Variants in PRKCA observed in about 807,000 individuals in gnomAD.
PRKCA encodes protein kinase C alpha type.
PRKCA carries 27 observed loss-of-function variants against 87.0 expected under a neutral mutation model. That is an observed-to-expected ratio of 0.31 (90% CI 0.23 to 0.43). The LOEUF is 0.43. Among genes scored for constraint, PRKCA ranks in the 20% least tolerant of loss-of-function variants. The pLI is 1.00. For missense variants in PRKCA, 518 were observed against 852.3 expected (o/e 0.61, Z 4.88); for synonymous variants, 329 against 311.1 (o/e 1.06, Z -0.61).
intron 10 of PRKCA, among the ~76,000 whole-genome samples, chr17:66,736,133 T>C (rs1974020471): frequency 3.3e-5 from 5 of 151,698 alleles, no homozygotes; most frequent in Admixed American, 2.0e-4. Context: ...CCCCCTACGT[T>C]GGCCTCCTAA....
chr17:66,671,493 G>C (rs116221461), intron 5 of PRKCA, among the ~76,000 whole-genome samples: 55 of 152,234 alleles, frequency 3.6e-4, no homozygotes, highest in Non-Finnish European at 6.5e-4. Flanking sequence ...CCAAGGTGCT[G>C]AGTACCTTAT....
intron 3 of PRKCA, chr17:66,641,071 T>G: frequency 3.0e-6 from 1 of 335,336 alleles, no homozygotes; most frequent in South Asian, 3.3e-5. Flanking sequence ...GGCAGGACAA[T>G]CGTTTGAACC....
chr17:66,542,042 C>T (rs1035429307), intron 3 of PRKCA, among the ~76,000 whole-genome samples: 1 of 152,124 alleles, frequency 6.6e-6, no homozygotes. Context: ...GCTCGTGTTG[C>T]GGTTATTATG....
chr17:66,424,904 C>T (rs759521643), intron 2 of PRKCA, among the ~76,000 whole-genome samples: 3 of 151,994 alleles, frequency 2.0e-5, no homozygotes, highest in Admixed American at 6.6e-5. Flanking sequence ...CCTGCACCAC[C>T]GTGCCTGGCT....
intron 2 of PRKCA, among the ~76,000 whole-genome samples, chr17:66,384,156 C>T (rs7225452): frequency 0.57 from 87,212 of 151,844 alleles, 25,636 homozygotes; most frequent in Non-Finnish European, 0.65. Flanking sequence ...TAAATATGAA[C>T]GAACAAACTT....
chr17:66,675,793 G>A (rs552350240), intron 5 of PRKCA, among the ~76,000 whole-genome samples: 12 of 152,206 alleles, frequency 7.9e-5, no homozygotes, highest in East Asian at 5.8e-4. Flanking sequence ...CTCCTGAAAC[G>A]GCCTTCTCTG....
chr17:66,506,584 A>G (rs1916990846), intron 3 of PRKCA, among the ~76,000 whole-genome samples: 1 of 152,146 alleles, frequency 6.6e-6, no homozygotes, highest in Non-Finnish European at 1.5e-5. Context: ...TTACTTGAAT[A>G]TTTACAGCTG....
chr17:66,499,847 C>T (rs1916650403), intron 3 of PRKCA, among the ~76,000 whole-genome samples: 1 of 152,142 alleles, frequency 6.6e-6, no homozygotes, highest in African/African-American at 2.4e-5. Flanking sequence ...CACAAAAGAT[C>T]ATGCATTCAC....
chr17:66,574,383 T>C (rs1212352384), intron 3 of PRKCA, among the ~76,000 whole-genome samples: 1 of 152,182 alleles, frequency 6.6e-6, no homozygotes, highest in Non-Finnish European at 1.5e-5. Flanking sequence ...AGTCAGTCTC[T>C]ATATTTTTAA....
At chr17:66,641,499 G>C (rs372116313) in intron 4 of PRKCA, 33 bp downstream of exon 4, 1 of 1,519,344 alleles carries the variant, frequency 6.6e-7, no homozygotes, top group Non-Finnish European at 9.1e-7. Context: ...TTCATAGCGA[G>C]GCTCTGTAGC....
chr17:66,393,641 C>CGTGTGT (rs111480827), intron 2 of PRKCA, among the ~76,000 whole-genome samples: 77 of 148,178 alleles, frequency 5.2e-4, no homozygotes, highest in African/African-American at 1.1e-3. Flanking sequence ...TGTGTGTGCA[C>CGTGTGT]GTGTGTGTGT....
intron 3 of PRKCA, among the ~76,000 whole-genome samples, chr17:66,551,215 G>C (rs1968316031): frequency 6.6e-6 from 1 of 152,116 alleles, no homozygotes; most frequent in Non-Finnish European, 1.5e-5. Context: ...GGCATGCACT[G>C]CCACACCTGG....
intron 3 of PRKCA, among the ~76,000 whole-genome samples, chr17:66,539,766 T>C (rs1210270314): frequency 2.0e-5 from 3 of 152,184 alleles, no homozygotes; most frequent in Admixed American, 1.3e-4. Flanking sequence ...GAAAACCTCA[T>C]CGTACCCAGA....
intron 2 of PRKCA, among the ~76,000 whole-genome samples, chr17:66,342,317 G>A (rs1907083026): frequency 6.6e-6 from 1 of 151,994 alleles, no homozygotes; most frequent in Non-Finnish European, 1.5e-5. Context: ...AGCTACTCAG[G>A]AGGCTGAGGC....
chr17:66,545,494 G>A (rs1968122389), intron 3 of PRKCA, among the ~76,000 whole-genome samples: 1 of 152,268 alleles, frequency 6.6e-6, no homozygotes, highest in East Asian at 1.9e-4. Context: ...TATCCTTGTA[G>A]TAAGACTGTT....
chr17:66,426,273 C>T (rs1912799183), intron 2 of PRKCA, among the ~76,000 whole-genome samples: 4 of 152,056 alleles, frequency 2.6e-5, no homozygotes, highest in African/African-American at 9.7e-5. Flanking sequence ...GGCAAGAAGT[C>T]ACGCCCTTCT....
intron 2 of PRKCA, among the ~76,000 whole-genome samples, chr17:66,490,504 C>T (rs950927731): frequency 5.9e-5 from 9 of 151,764 alleles, no homozygotes; most frequent in African/African-American, 1.7e-4. Context: ...CCACCATGCC[C>T]GGCTAATTTT....
At chr17:66,337,405 G>A (rs1405448588) in intron 2 of PRKCA, among the ~76,000 whole-genome samples, 1 of 152,034 alleles carries the variant, frequency 6.6e-6, no homozygotes, top group South Asian at 2.1e-4. Flanking sequence ...CTAAGGTTTT[G>A]TTTTGAGACA....
chr17:66,397,180 G>T (rs1910739077), intron 2 of PRKCA, among the ~76,000 whole-genome samples: 2 of 150,532 alleles, frequency 1.3e-5, no homozygotes, highest in South Asian at 4.2e-4. Flanking sequence ...TGCCAGGCTG[G>T]TCTCGAACTC....
Sources: gnomAD v4.1 joint callset for allele counts (sites outside exome capture counted in the v4.1 genomes callset) on GRCh38, gnomAD v4.1.1 for gene constraint, MANE v1.5 for transcripts, NCBI Gene and HGNC (gene_info 2026-07-23, HGNC 2026-07-21) for gene names.